Variants in BTBD1 observed in about 807,000 individuals in gnomAD.
The protein encoded by BTBD1 is BTB/POZ domain-containing protein 1.
Under a neutral mutation model 48.0 loss-of-function variants are expected in BTBD1, and 34 were observed. The ratio of observed to expected loss-of-function variants is 0.71; its 90% CI spans 0.54 to 0.94. The LOEUF (loss-of-function observed/expected upper bound fraction) is 0.94. Among genes scored for constraint, BTBD1 ranks in the 40% least tolerant of loss-of-function variants. The pLI, the probability that BTBD1 is intolerant of heterozygous loss-of-function variation, is 0.00. For synonymous variants in BTBD1, 261 were observed against 242.1 expected (o/e 1.08, Z -0.72); for missense variants, 543 against 625.6 (o/e 0.87, Z 1.41).
chr15:83,047,969 T>C (rs1219559754), intron 3 of BTBD1, among the ~76,000 whole-genome samples: 1 of 152,110 alleles, frequency 6.6e-6, no homozygotes, highest in South Asian at 2.1e-4. Flanking sequence ...CTGGCTGCCA[T>C]GTAGAGAATG....
intron 1 of BTBD1, among the ~76,000 whole-genome samples, chr15:83,061,297 C>T (rs142176457): frequency 6.6e-6 from 1 of 152,242 alleles, no homozygotes; most frequent in African/African-American, 2.4e-5. Flanking sequence ...CTTATGGGTC[C>T]ACCATCTTAT....
intron 5 of BTBD1, among the ~76,000 whole-genome samples, chr15:83,025,115 G>C (rs966675722): frequency 1.3e-5 from 2 of 152,028 alleles, no homozygotes; most frequent in Non-Finnish European, 2.9e-5. Context: ...TACTTTGAGA[G>C]GCTGGAGGTG....
intron 2 of BTBD1, among the ~76,000 whole-genome samples, chr15:83,054,208 C>G (rs771682959): frequency 1.3e-5 from 2 of 151,974 alleles, no homozygotes; most frequent in South Asian, 4.1e-4. Context: ...CGTGGTGGTA[C>G]GCACTGGTAA....
chr15:83,045,425 G>A (rs1596439138), intron 3 of BTBD1, among the ~76,000 whole-genome samples: 1 of 152,074 alleles, frequency 6.6e-6, no homozygotes, highest in East Asian at 1.9e-4. Flanking sequence ...TTGAACCCGG[G>A]AGGCGGAGGC....
intron 2 of BTBD1, among the ~76,000 whole-genome samples, chr15:83,052,205 C>A (rs572796103): frequency 1.3e-5 from 2 of 152,204 alleles, no homozygotes; most frequent in South Asian, 4.1e-4. Context: ...GATCCACCTG[C>A]CCAAAGTGTT....
chr15:83,030,001 ATTAAC>A (rs990704994), intron 5 of BTBD1, 130 bp downstream of exon 5: 18 of 863,626 alleles, frequency 2.1e-5, no homozygotes, highest in South Asian at 6.4e-5. Flanking sequence ...TGACTCCTAT[ATTAAC>A]TTAACTTAAA....
intron 6 of BTBD1, 65 bp from the exon 7 acceptor site, chr15:83,018,918 T>C (rs1445802636): frequency 5.9e-6 from 8 of 1,345,658 alleles, no homozygotes; most frequent in East Asian, 2.9e-5. Flanking sequence ...TAGAAAATAA[T>C]ATAAAGCCCT....
In BTBD1 at chr15:83,017,966, T is replaced by G; in HGVS notation, c.*101A>C. 2.9e-6 allele frequency: 2 copies of G among 696,694 alleles called. No individual in the cohort carries two copies. The highest frequency in any genetic ancestry group is 4.4e-6 in the Non-Finnish European group (2 of 450,712). 43.2% of individuals were successfully genotyped at this position (696,694 alleles called of 1,614,324 possible). A position where few individuals can be genotyped will look rare whatever the true frequency, so the allele number is the denominator to read the frequency against. ...AAGAAACTGTTTCTTATCTTACAAT[T>G]TTAAATATTCATAACACTCAAACTA... On this transcript the variant is annotated 3_prime_UTR_variant, in exon 8 of 8. Transcript: ENST00000261721.
chr15:83,052,014 T>C (rs1284606405), intron 2 of BTBD1, among the ~76,000 whole-genome samples: 1 of 152,062 alleles, frequency 6.6e-6, no homozygotes, highest in East Asian at 1.9e-4. Flanking sequence ...TGGAGTGCAG[T>C]GGCACAATCT....
At chr15:83,062,767 T>G (rs571333628) in intron 1 of BTBD1, among the ~76,000 whole-genome samples, 65 of 152,238 alleles carry the variant, frequency 4.3e-4, no homozygotes, top group Non-Finnish European at 8.4e-4. Flanking sequence ...CTCACTTTGG[T>G]TGATGGGAGA....
intron 4 of BTBD1, among the ~76,000 whole-genome samples, chr15:83,034,406 G>T (rs945985786): frequency 7.2e-5 from 11 of 152,134 alleles, no homozygotes; most frequent in Admixed American, 6.5e-4. Context: ...TTGAGGCCAG[G>T]AGTTCGAGAC....
chr15:83,036,555 C>T (rs1030930100), intron 4 of BTBD1, among the ~76,000 whole-genome samples: 4 of 152,162 alleles, frequency 2.6e-5, no homozygotes, highest in South Asian at 4.1e-4. Flanking sequence ...ATGCACACTC[C>T]ATGACTTAGC....
intron 4 of BTBD1, among the ~76,000 whole-genome samples, chr15:83,031,804 G>A (rs1040500348): frequency 5.3e-5 from 8 of 151,052 alleles, no homozygotes; most frequent in Non-Finnish European, 8.8e-5. Flanking sequence ...ATATACAAGC[G>A]GCCAATACAC....
intron 5 of BTBD1, 111 bp downstream of exon 5, chr15:83,030,025 A>T: frequency 9.9e-7 from 1 of 1,008,596 alleles, no homozygotes; most frequent in Non-Finnish European, 1.5e-6. Flanking sequence ...AAAGTGTATT[A>T]AATGAAGTAT....
intron 2 of BTBD1, among the ~76,000 whole-genome samples, chr15:83,052,571 T>TA (rs1446685587): frequency 6.6e-6 from 1 of 152,044 alleles, no homozygotes; most frequent in Non-Finnish European, 1.5e-5. Context: ...GGATCACAGT[T>TA]ATACATTTTC....
intron 5 of BTBD1, among the ~76,000 whole-genome samples, chr15:83,027,666 C>G (rs1000082086): frequency 6.6e-6 from 1 of 152,092 alleles, no homozygotes; most frequent in Non-Finnish European, 1.5e-5. Flanking sequence ...GAAAGTGCCC[C>G]GAATATTGAC....
At chr15:83,028,080 G>T (rs1174224108) in intron 5 of BTBD1, among the ~76,000 whole-genome samples, 1 of 152,128 alleles carries the variant, frequency 6.6e-6, no homozygotes, top group African/African-American at 2.4e-5. Context: ...ATTAAAAAAA[G>T]AGAGAACTGG....
chr15:83,052,361 T>C (rs1223259324), intron 2 of BTBD1, among the ~76,000 whole-genome samples: 4 of 152,222 alleles, frequency 2.6e-5, no homozygotes, highest in Non-Finnish European at 5.9e-5. Flanking sequence ...ATTTTTGGTG[T>C]GAGCCATCAG....
intron 2 of BTBD1, among the ~76,000 whole-genome samples, chr15:83,053,939 T>C (rs1310883018): frequency 6.6e-6 from 1 of 152,232 alleles, no homozygotes; most frequent in Non-Finnish European, 1.5e-5. Flanking sequence ...CACTAAACCT[T>C]CACAACTATC....
Sources: gnomAD v4.1 joint callset for allele counts (sites outside exome capture counted in the v4.1 genomes callset) on GRCh38, gnomAD v4.1.1 for gene constraint, MANE v1.5 for transcripts, NCBI Gene and HGNC (gene_info 2026-07-23, HGNC 2026-07-21) for gene names.